Variants in FSD2 observed in about 807,000 individuals in gnomAD.
FSD2 encodes the protein fibronectin type III and SPRY domain containing 2.
In FSD2, 71 loss-of-function variants were observed where a neutral mutation model predicts 80.4. The observed-to-expected ratio is 0.88, with a 90% confidence interval of 0.73 to 1.08. The LOEUF is 1.08. Among genes scored for constraint, FSD2 ranks in the 50% least tolerant of loss-of-function variants. The pLI, the probability that FSD2 is intolerant of heterozygous loss-of-function variation, is 0.00. For missense variants in FSD2, 923 were observed against 913.8 expected (o/e 1.01, Z -0.13); for synonymous variants, 361 against 329.5 (o/e 1.10, Z -1.03).
chr15:82,766,154 T>G (rs1293397426), intron 9 of FSD2, 123 bp from the exon 10 acceptor site: 3 of 1,093,952 alleles, frequency 2.7e-6, no homozygotes, highest in Admixed American at 5.9e-5. Flanking sequence ...TGACCCACAT[T>G]TAACAGCAGC....
At chr15:82,761,499 T>G (rs1397932278) in intron 12 of FSD2, among the ~76,000 whole-genome samples, 1 of 152,136 alleles carries the variant, frequency 6.6e-6, no homozygotes, top group African/African-American at 2.4e-5. Context: ...CTGTATTGGC[T>G]TAATACTAAA....
intron 6 of FSD2, among the ~76,000 whole-genome samples, chr15:82,778,511 G>A (rs560732946): frequency 2.6e-5 from 4 of 152,174 alleles, no homozygotes; most frequent in African/African-American, 4.8e-5. Context: ...AGCAGAGAAC[G>A]GAATTGTGGT....
At position 82,785,871 on chromosome 15, in the gene FSD2, G is replaced by A. The variant is rs77631361; in HGVS notation, c.735+640C>T. Among the ~76,000 whole-genome samples, 1,407 of 152,032 alleles carry A rather than the reference G, an allele frequency of 9.3e-3. 25 individuals carry two copies. The highest frequency in any genetic ancestry group is 0.032 in the African/African-American group (1,343 of 41,452). On this transcript the variant is annotated intron_variant, in intron 3 of 12. Transcript: ENST00000334574. ...CGCCAATGCACCAGATAGCAACCCG[G>A]GGATTCTCAGTAAGAACTTCTACCC...
At chr15:82,795,581 G>A (rs1195650135) in intron 1 of FSD2, among the ~76,000 whole-genome samples, 2 of 152,148 alleles carry the variant, frequency 1.3e-5, no homozygotes, top group Non-Finnish European at 2.9e-5. Flanking sequence ...TGTAAACCCA[G>A]CACTTTAGGA....
intron 11 of FSD2, among the ~76,000 whole-genome samples, chr15:82,763,513 T>C (rs889168020): frequency 1.3e-4 from 20 of 152,220 alleles, no homozygotes; most frequent in Admixed American, 2.6e-4. Context: ...TCTATAAATA[T>C]GGCAATATGA....
At chr15:82,769,679 T>C in intron 8 of FSD2, 71 bp downstream of exon 8, 1 of 1,509,710 alleles carries the variant, frequency 6.6e-7, no homozygotes, top group Non-Finnish European at 8.9e-7. Context: ...AGCCCTGCCA[T>C]GTCTAGAAAC....
At position 82,765,288 on chromosome 15, in the gene FSD2, A is replaced by G; in HGVS notation, c.1698T>C (p.Phe566=). 6.2e-7 allele frequency: 1 copy of G among 1,613,304 alleles called. No individual in the cohort carries two copies. The highest frequency in any genetic ancestry group is 8.5e-7 in the Non-Finnish European group (1 of 1,179,648). ...PATVHTIGSY[F]RLNKDTCHPW... ...GATGGCAAGTGTCCTTGTTTAGGCG[A>G]AAGTAGCTTCCTGTGGGAGGAGGAA... is the stretch of plus-strand genomic sequence containing the variant. The change falls in exon 11 of 13, where the codon TTT becomes TTC. Residue 566 remains phenylalanine (F), a synonymous_variant. Transcript: ENST00000334574.
At chr15:82,780,181 C>A in intron 5 of FSD2, 64 bp downstream of exon 5, 1 of 1,134,112 alleles carries the variant, frequency 8.8e-7, no homozygotes, top group East Asian at 2.7e-5. Context: ...GGAACTGAGT[C>A]TATTTGGATA....
intron 11 of FSD2, 103 bp from the exon 12 acceptor site, chr15:82,762,381 A>G: frequency 1.8e-6 from 2 of 1,106,562 alleles, no homozygotes; most frequent in African/African-American, 1.6e-5. Context: ...GTGGTCTACG[A>G]ACGTGGTGGT....
At chr15:82,777,890 A>C (rs2049751016) in intron 6 of FSD2, among the ~76,000 whole-genome samples, 1 of 151,112 alleles carries the variant, frequency 6.6e-6, no homozygotes, top group Admixed American at 6.6e-5. Context: ...AATGGTGAGA[A>C]TGTGGAGAAC....
At chr15:82,765,724 A>T (rs563285815) in intron 10 of FSD2, among the ~76,000 whole-genome samples, 174 bp downstream of exon 10, 1 of 152,306 alleles carries the variant, frequency 6.6e-6, no homozygotes, top group South Asian at 2.1e-4. Context: ...TTAATGATCC[A>T]TTTGACTTGC....
At chr15:82,761,496 G>C (rs931859268) in intron 12 of FSD2, among the ~76,000 whole-genome samples, 1 of 152,116 alleles carries the variant, frequency 6.6e-6, no homozygotes, top group South Asian at 2.1e-4. Flanking sequence ...AAACTGTATT[G>C]GCTTAATACT....
chr15:82,758,452 T>C lies in FSD2; in HGVS notation c.*896A>G, dbSNP rs1348077717. On this transcript the variant is annotated 3_prime_UTR_variant, in exon 13 of 13. Transcript: ENST00000334574. ...CTCAGCTTTGCCCTTTGGTGGGCTG[T>C]TAATTTCTTTTAAAAAATTGTTGTG... 2.0e-5 allele frequency: 3 copies of C among 153,114 alleles called. No homozygotes were observed. Among genetic ancestry groups the C allele is most frequent in the Non-Finnish European group, 2.9e-5 (2 of 68,042 alleles). 9.5% of individuals were successfully genotyped at this position (153,114 alleles called of 1,614,324 possible).
chr15:82,784,936 G>C (rs1233086911), intron 3 of FSD2, among the ~76,000 whole-genome samples: 1 of 152,206 alleles, frequency 6.6e-6, no homozygotes, highest in Non-Finnish European at 1.5e-5. Flanking sequence ...CATGTTTGGT[G>C]ACAGGCATGG....
chr15:82,765,418 A>G (rs2049409460), intron 10 of FSD2, 120 bp from the exon 11 acceptor site: 2 of 1,285,412 alleles, frequency 1.6e-6, no homozygotes, highest in Non-Finnish European at 2.2e-6. Flanking sequence ...GCCTAGTAAT[A>G]GGCGTCCAGT....
At position 82,758,729 on chromosome 15, in the gene FSD2, C is replaced by T. The variant is rs143786103; in HGVS notation, c.*619G>A. 1.3e-5 allele frequency: 2 copies of T among 152,498 alleles called. No individual in the cohort carries two copies. The highest frequency in any genetic ancestry group is 1.5e-5 in the Non-Finnish European group (1 of 68,198). The allele number at this position is 152,498 out of a possible 1,614,324, so 9.4% of individuals were successfully genotyped here. ...AATGAACAAAACAGGCACTGTCCCT[C>T]CCTTCATGGAATTAGGCATTATAGA... On this transcript the variant is annotated 3_prime_UTR_variant, in exon 13 of 13. Transcript: ENST00000334574.
intron 1 of FSD2, among the ~76,000 whole-genome samples, chr15:82,787,877 G>A (rs1030044357): frequency 2.0e-5 from 3 of 152,128 alleles, no homozygotes; most frequent in South Asian, 4.2e-4. Context: ...CCTCCAGGGT[G>A]CAAGCAATTC....
At position 82,786,457 on chromosome 15, in the gene FSD2, T is replaced by C. The variant is rs1596252233; in HGVS notation, c.735+54A>G. 4.6e-6 allele frequency: 6 copies of C among 1,311,880 alleles called. No individual in the cohort carries two copies. The East Asian group carries it at 1.4e-4, about 31-fold the overall frequency. 81.3% of individuals were successfully genotyped at this position (1,311,880 alleles called of 1,614,324 possible). ...TCATACCAGAAACAGCTGCTTGACA[T>C]AGCCATTGATGGAAGAAATGTGAGT... On this transcript the variant is annotated intron_variant, in intron 3 of 12. Coordinates refer to ENST00000334574, the MANE Select transcript of FSD2 (RefSeq NM_001007122.4).
rs1259739043 is a variant in FSD2 at position 82,766,089 on chromosome 15, C to T, written c.1554-58G>A. On this transcript the variant is annotated intron_variant, in intron 9 of 12. Transcript: ENST00000334574. ...GGGCTAGGACACCCAGGCCCAAGCA[C>T]CAGGCATCCCTTTCAAAGCTGGAAG... 10 of 1,490,508 alleles carry T rather than the reference C, an allele frequency of 6.7e-6. No homozygotes were observed. The East Asian group carries it at 2.5e-4, about 37-fold the overall frequency. The allele number at this position is 1,490,508 out of a possible 1,614,324, so 92.3% of individuals were successfully genotyped here. A position where few individuals can be genotyped will look rare whatever the true frequency, so the allele number is the denominator to read the frequency against.
Sources: allele counts gnomAD v4.1 joint callset (sites outside exome capture counted in the v4.1 genomes callset), GRCh38; gene constraint gnomAD v4.1.1; transcripts MANE v1.5; gene names NCBI Gene and HGNC (gene_info 2026-07-23, HGNC 2026-07-21).